The following MSANTD1 variants were observed in gnomAD, a reference collection of about 807,000 sequenced individuals.
MSANTD1 encodes the protein Myb/SANT DNA binding domain containing 1, also known as myb/SANT-like DNA-binding domain-containing protein 1.
Under a neutral mutation model 24.2 loss-of-function variants are expected in MSANTD1, and 7 were observed. That is an observed-to-expected ratio of 0.29 (90% confidence interval 0.16 to 0.54). MSANTD1 has a LOEUF of 0.54. Among genes scored for constraint, MSANTD1 ranks in the 20% least tolerant of loss-of-function variants. The pLI, the probability that MSANTD1 is intolerant of heterozygous loss-of-function variation, is 0.94. For synonymous variants in MSANTD1, 177 were observed against 181.1 expected (o/e 0.98, Z 0.18); for missense variants, 384 against 408.2 (o/e 0.94, Z 0.51).
In MSANTD1 at chr4:3,253,442, C is replaced by T. The variant is rs754777440; in HGVS notation, c.556C>T (p.Arg186Cys). 10 of 1,578,974 alleles carry T rather than the reference C, an allele frequency of 6.3e-6. No individual in the cohort carries two copies. The Admixed American group carries it at 7.1e-5, about 11-fold the overall frequency. Reference protein sequence around the residue: ...CSYEGRFEDDRSDSSSSLLSL... With the variant: ...CSYEGRFEDDCSDSSSSLLSL... ...CTACGAAGGCCGCTTCGAGGATGAT[C>T]GCTCCGACAGCTCCTCCAGCTTACT... Residue 186 changes from arginine (R) to cysteine (C), a missense_variant, in exon 2 of 3, where the codon CGC becomes TGC. Coordinates refer to ENST00000438480, the MANE Select transcript of MSANTD1 (RefSeq NM_001042690.2).
At chr4:3,248,492 C>T (rs1477748247), upstream of MSANTD1, 1 of 152,594 alleles carries the variant, frequency 6.6e-6, no homozygotes, top group Non-Finnish European at 1.5e-5. Context: ...CTGCTGTCCT[C>T]ACCGGCCGGT....
chr4:3,250,018 TG>T (rs1473684603), intron 1 of MSANTD1, among the ~76,000 whole-genome samples: 1 of 152,114 alleles, frequency 6.6e-6, no homozygotes, highest in Non-Finnish European at 1.5e-5. Flanking sequence ...TTGGGGAAAT[TG>T]AGACTGCAAG....
intron 1 of MSANTD1, among the ~76,000 whole-genome samples, chr4:3,250,399 G>A (rs1282407835): frequency 6.6e-6 from 1 of 152,222 alleles, no homozygotes. Flanking sequence ...GCATCTTAAA[G>A]TGCGTGGGTC....
At chr4:3,244,719 T>G (rs1721966364), upstream of MSANTD1, 1 of 152,250 alleles carries the variant, frequency 6.6e-6, no homozygotes, top group Admixed American at 6.5e-5. Context: ...CTTCCTCTGG[T>G]GCAGGGTATT....
Position 3,255,890 on chromosome 4 carries a change from G to A in MSANTD1, c.762G>A (p.Leu254=), listed in dbSNP as rs1335602370. 5 of 1,545,606 alleles carry A rather than the reference G, an allele frequency of 3.2e-6. No individual in the cohort carries two copies. Among genetic ancestry groups the A allele is most frequent in the African/African-American group, 1.4e-5 (1 of 73,118 alleles). Residue 254 remains leucine, a synonymous_variant, in exon 3 of 3, where the codon CTG becomes CTA. Transcript: ENST00000438480. The part of the protein sequence containing the change: ...VRRVLDQQHI[L]QVQSLQLQER... ...GCGTGCTGGACCAGCAGCACATCCT[G>A]CAGGTGCAGAGCCTGCAGCTGCAGG...
Position 3,253,350 on chromosome 4 carries a change from A to G in MSANTD1, c.464A>G (p.Gln155Arg). The G allele has an allele frequency of 6.2e-7, 1 of 1,611,314 alleles. No individual in the cohort carries two copies. The highest frequency in any genetic ancestry group is 8.5e-7 in the Non-Finnish European group (1 of 1,178,898). Residue 155 changes from glutamine (Q) to arginine (R), a missense_variant, in exon 2 of 3, where the codon CAG becomes CGG. Transcript: ENST00000438480. ...CAGCCGCCGGGGCCCTCCACGTCCC[A>G]GACCGAGGCGTCCCTGTCGCCGCCC... ...DSQPPGPSTS[Q>R]TEASLSPPAK...
chr4:3,253,148 A>AGGACAGGGGCTGGGCC (rs1722279794), intron 1 of MSANTD1, 59 bp from the exon 2 acceptor site: 1 of 1,456,714 alleles, frequency 6.9e-7, no homozygotes, highest in Admixed American at 2.5e-5. Flanking sequence ...GAGGCTGGGC[A>AGGACAGGGGCTGGGCC]GGACAGGGGC....
At position 3,255,909 on chromosome 4, in the gene MSANTD1, C is replaced by G. The variant is rs958199856; in HGVS notation, c.781C>G (p.Leu261Val). 1.9e-6 allele frequency: 3 copies of G among 1,545,666 alleles called. No homozygotes were observed. The highest frequency in any genetic ancestry group is 2.6e-6 in the Non-Finnish European group (3 of 1,146,206). Residue 261 changes from leucine to valine, a missense_variant, in exon 3 of 3, where the codon CTG becomes GTG. Physicochemically the swap from Leu to Val is conservative, Grantham distance 32 (BLOSUM62 1). Coordinates refer to ENST00000438480, the MANE Select transcript of MSANTD1 (RefSeq NM_001042690.2). ...CATCCTGCAGGTGCAGAGCCTGCAG[C>G]TGCAGGAGCGCATGATGAGTCTGCT... ...QHILQVQSLQ[L>V]QERMMSLLER...
chr4:3,256,516 C>T lies in MSANTD1; in HGVS notation c.*551C>T, dbSNP rs2110324912. 1 of 152,448 alleles carries T rather than the reference C, an allele frequency of 6.6e-6. No individual in the cohort carries two copies. The highest frequency in any genetic ancestry group is 2.4e-5 in the African/African-American group (1 of 41,572). 9.4% of individuals were successfully genotyped at this position (152,448 alleles called of 1,614,324 possible). ...GCCTGATGAAAACCCCAGCGACCTT[C>T]CAGGAGGCTTTTATTCAGCTCTGTT... is the stretch of plus-strand genomic sequence containing the variant. On this transcript the variant is annotated 3_prime_UTR_variant, in exon 3 of 3. Transcript: ENST00000438480.
intron 2 of MSANTD1, among the ~76,000 whole-genome samples, chr4:3,254,642 G>A (rs1229987010): frequency 6.6e-6 from 1 of 152,202 alleles, no homozygotes; most frequent in Non-Finnish European, 1.5e-5. Context: ...CTGCCCTTCA[G>A]GGAGGTCTGC....
chr4:3,247,801 C>G (rs1272406980), upstream of MSANTD1: 3 of 152,368 alleles, frequency 2.0e-5, no homozygotes, highest in Admixed American at 1.3e-4. Flanking sequence ...TTCGCCTTCC[C>G]TATGCTGGGC....
rs1056490750 is a variant in MSANTD1, at chr4:3,256,066, C to T, written c.*101C>T. ...CCAGGCGGGCAAGGGGGCCGCCCCGCGAGCGGAGACCGCCTTCCACCTGGC... is the reference window on the plus strand; with the variant it reads ...CCAGGCGGGCAAGGGGGCCGCCCCGTGAGCGGAGACCGCCTTCCACCTGGC... On this transcript the variant is annotated 3_prime_UTR_variant, in exon 3 of 3. Transcript: ENST00000438480. 133 of 1,349,586 alleles carry T rather than the reference C, an allele frequency of 9.9e-5. No homozygotes were observed. The East Asian group carries it at 3.6e-3, about 36-fold the overall frequency. The allele number at this position is 1,349,586 out of a possible 1,614,324, so 83.6% of individuals were successfully genotyped here.
In MSANTD1 at chr4:3,251,498, C is replaced by T. The variant is rs569162222; in HGVS notation, c.321-1709C>T. On this transcript the variant is annotated intron_variant, in intron 1 of 2. Transcript: ENST00000438480. ...CATGGCTGATGAAGCACTTCCACAC[C>T]GCAGCCCCTCAGAGCTGCCACAGTC... Among the ~76,000 whole-genome samples, 521 of 152,170 alleles carry T rather than the reference C, an allele frequency of 3.4e-3. 1 individual carries two copies. The highest frequency in any genetic ancestry group is 5.7e-3 in the Non-Finnish European group (385 of 68,004).
Position 3,255,987 on chromosome 4 carries a change from C to G in MSANTD1, c.*22C>G, listed in dbSNP as rs772082553. 6.8e-6 allele frequency: 10 copies of G among 1,475,122 alleles called. No homozygotes were observed. Among genetic ancestry groups the G allele is most frequent in the South Asian group, 2.7e-5 (2 of 73,236 alleles). 91.4% of individuals were successfully genotyped at this position (1,475,122 alleles called of 1,614,324 possible). A position where few individuals can be genotyped will look rare whatever the true frequency, so the allele number is the denominator to read the frequency against. Reference sequence around the variant, plus strand: ...CTAGGCCAGCAGGCGGCGGCGGCGGCGGGGCCGGGCGGCTGGTGGTACTGC... The same window carrying G: ...CTAGGCCAGCAGGCGGCGGCGGCGGGGGGGCCGGGCGGCTGGTGGTACTGC... On this transcript the variant is annotated 3_prime_UTR_variant, in exon 3 of 3. Transcript: ENST00000438480.
chr4:3,255,181 T>G (rs1027921371), intron 2 of MSANTD1, among the ~76,000 whole-genome samples: 1 of 151,978 alleles, frequency 6.6e-6, no homozygotes, highest in Non-Finnish European at 1.5e-5. Context: ...ATTGGGGTCA[T>G]CCGCTAGTCG....
Position 3,249,209 on chromosome 4 carries a change from G to T in MSANTD1, c.-14G>T, listed in dbSNP as rs1364510770. The T allele has an allele frequency of 2.2e-6, 3 of 1,379,930 alleles. No homozygotes were observed. Among genetic ancestry groups the T allele is most frequent in the Non-Finnish European group, 2.8e-6 (3 of 1,069,732 alleles). The allele number at this position is 1,379,930 out of a possible 1,614,324, so 85.5% of individuals were successfully genotyped here. A position where few individuals can be genotyped will look rare whatever the true frequency, so the allele number is the denominator to read the frequency against. The stretch of plus-strand genomic sequence containing the variant: ...GAGCTGCCTTCGAGCGAGCGTGAGC[G>T]GCGCCTCCCGCCCATGGTGCGTGGG... On this transcript the variant is annotated 5_prime_UTR_variant, in exon 1 of 3. Transcript: ENST00000438480.
At chr4:3,254,222 C>G (rs2110322724) in intron 2 of MSANTD1, among the ~76,000 whole-genome samples, 1 of 152,276 alleles carries the variant, frequency 6.6e-6, no homozygotes, top group South Asian at 2.1e-4. Flanking sequence ...GTCACAGCTT[C>G]TCCCCTGCCC....
upstream of MSANTD1, chr4:3,246,584 C>T (rs1285722073): frequency 3.0e-6 from 2 of 659,300 alleles, no homozygotes; most frequent in East Asian, 5.6e-5. Flanking sequence ...GCCCCTTCTC[C>T]CTCAGGTGCT....
chr4:3,249,480 C>CGGCGA lies in MSANTD1; in HGVS notation c.260_264dup (p.Arg89AlafsTer16). 1 of 1,612,122 alleles carries CGGCGA rather than the reference C, an allele frequency of 6.2e-7. No individual in the cohort carries two copies. The highest frequency in any genetic ancestry group is 8.5e-7 in the Non-Finnish European group (1 of 1,179,720). The stretch of plus-strand genomic sequence containing the variant: ...TGGCCAGCAAGCTCTTCGAGATGAC[C>CGGCGA]GGCGAGCGCAGGCTGGGCGAGGAGA... On this transcript the variant is annotated frameshift_variant, in exon 1 of 3. Coordinates refer to ENST00000438480, the MANE Select transcript of MSANTD1 (RefSeq NM_001042690.2). LOFTEE classifies it high-confidence loss of function.
Sources: gnomAD v4.1 joint callset for allele counts (sites outside exome capture counted in the v4.1 genomes callset) on GRCh38, gnomAD v4.1.1 for gene constraint, MANE v1.5 for transcripts, NCBI Gene and HGNC (gene_info 2026-07-23, HGNC 2026-07-21) for gene names.